The following CAMTA1 variants were observed in gnomAD, a reference collection of about 807,000 sequenced individuals.
CAMTA1 encodes calmodulin binding transcription activator 1, also known as calmodulin-binding transcription activator 1.
A neutral mutation model predicts 170.9 loss-of-function variants in CAMTA1; 27 were observed. The ratio of observed to expected loss-of-function variants is 0.16; its 90% confidence interval spans 0.12 to 0.22. The LOEUF (loss-of-function observed/expected upper bound fraction) is 0.22, where lower values mean the gene tolerates loss of function less well. Among genes scored for constraint, CAMTA1 ranks in the 10% least tolerant of loss-of-function variants. CAMTA1 has a pLI of 1.00. For missense variants in CAMTA1, 1,619 were observed against 2,217.2 expected (o/e 0.73, Z 5.42); for synonymous variants, 833 against 891.5 (o/e 0.93, Z 1.17).
intron 4 of CAMTA1, among the ~76,000 whole-genome samples, chr1:7,202,843 C>G (rs1386091077): frequency 6.6e-6 from 1 of 152,134 alleles, no homozygotes; most frequent in Non-Finnish European, 1.5e-5. Context: ...TTTATTTCTT[C>G]CTTTCCAACC....
intron 6 of CAMTA1, among the ~76,000 whole-genome samples, chr1:7,478,802 G>T (rs1438547953): frequency 6.6e-6 from 1 of 152,184 alleles, no homozygotes; most frequent in African/African-American, 2.4e-5. Flanking sequence ...CTTCTAGATG[G>T]CTTATAATAT....
At chr1:7,526,479 C>T (rs1246537067) in intron 6 of CAMTA1, among the ~76,000 whole-genome samples, 1 of 152,210 alleles carries the variant, frequency 6.6e-6, no homozygotes, top group Non-Finnish European at 1.5e-5. Context: ...GCCCTGAGGT[C>T]TGTCCAGGCC....
intron 3 of CAMTA1, among the ~76,000 whole-genome samples, chr1:7,006,724 C>T (rs558583994): frequency 6.6e-6 from 1 of 152,308 alleles, no homozygotes; most frequent in South Asian, 2.1e-4. Context: ...CCTGACCGGT[C>T]ACAGCTCACC....
intron 3 of CAMTA1, among the ~76,000 whole-genome samples, chr1:6,893,149 G>T (rs1036621991): frequency 6.6e-6 from 1 of 152,072 alleles, no homozygotes; most frequent in Admixed American, 6.5e-5. Context: ...GGGCATGGTG[G>T]CGTGCCTGTA....
intron 5 of CAMTA1, among the ~76,000 whole-genome samples, chr1:7,393,049 T>G (rs1308536411): frequency 2.1e-5 from 2 of 94,874 alleles, no homozygotes; most frequent in African/African-American, 7.8e-5. Context: ...TGATACTATA[T>G]CTCTTAAAAA....
chr1:7,095,589 A>G (rs1641985562), intron 4 of CAMTA1, among the ~76,000 whole-genome samples: 1 of 152,224 alleles, frequency 6.6e-6, no homozygotes, highest in Non-Finnish European at 1.5e-5. Context: ...GTGCCTGTGA[A>G]GGTTCCCAGG....
chr1:7,572,813 A>G (rs1164003177), intron 6 of CAMTA1, among the ~76,000 whole-genome samples: 1 of 152,214 alleles, frequency 6.6e-6, no homozygotes, highest in South Asian at 2.1e-4. Context: ...CTTGCTAAAG[A>G]CAGAAGGGAA....
At chr1:7,640,657 G>C in intron 7 of CAMTA1, 104 bp downstream of exon 7, 2 of 1,333,948 alleles carry the variant, frequency 1.5e-6, no homozygotes, top group Non-Finnish European at 2.1e-6. Flanking sequence ...TGCGGGTCCG[G>C]AGCCCCATCT....
chr1:7,366,932 G>A (rs778943430), intron 5 of CAMTA1, among the ~76,000 whole-genome samples: 1 of 152,160 alleles, frequency 6.6e-6, no homozygotes, highest in Non-Finnish European at 1.5e-5. Flanking sequence ...CCTGGCGTCT[G>A]GTTATGCAAA....
At chr1:6,826,612 T>C (rs981779400) in intron 3 of CAMTA1, among the ~76,000 whole-genome samples, 6 of 152,254 alleles carry the variant, frequency 3.9e-5, no homozygotes, top group Non-Finnish European at 7.3e-5. Context: ...CAAATTATTA[T>C]ACACGTTAGT....
intron 5 of CAMTA1, among the ~76,000 whole-genome samples, chr1:7,368,159 T>A (rs1378617989): frequency 7.5e-6 from 1 of 133,712 alleles, no homozygotes. Flanking sequence ...TTTCATTGGG[T>A]GCAGGCCCTG....
At chr1:7,762,747 C>T (rs899400554) in intron 22 of CAMTA1, among the ~76,000 whole-genome samples, 1 of 152,174 alleles carries the variant, frequency 6.6e-6, no homozygotes, top group Non-Finnish European at 1.5e-5. Flanking sequence ...TCTTTTCACA[C>T]ATTTTAGGAT....
intron 5 of CAMTA1, among the ~76,000 whole-genome samples, chr1:7,428,781 G>A (rs538550959): frequency 9.4e-4 from 143 of 151,430 alleles, no homozygotes; most frequent in African/African-American, 3.1e-3. Flanking sequence ...TGAGTGCCAC[G>A]TCTTGTATTG....
At chr1:7,046,218 C>A (rs990751691) in intron 3 of CAMTA1, among the ~76,000 whole-genome samples, 1 of 152,264 alleles carries the variant, frequency 6.6e-6, no homozygotes, top group Admixed American at 6.5e-5. Flanking sequence ...TAATTGAGAC[C>A]TAATTTACTT....
At chr1:6,790,121 G>A (rs1395233590) in intron 1 of CAMTA1, among the ~76,000 whole-genome samples, 1 of 152,044 alleles carries the variant, frequency 6.6e-6, no homozygotes, top group Non-Finnish European at 1.5e-5. Flanking sequence ...AAGCTGCCAC[G>A]CCTGGCCTTC....
At position 7,568,863 on chromosome 1, in the gene CAMTA1, T is replaced by C. The variant is rs201414950; in HGVS notation, c.511-71537T>C. Among the ~76,000 whole-genome samples, 5 of 146,346 alleles carry C rather than the reference T, an allele frequency of 3.4e-5. No homozygotes were observed. The East Asian group carries it at 1.1e-3, about 31-fold the overall frequency. ...CATCATCATCACCACATCATCATCATCAACATCACCATCATCACCGCATCA... is the reference window on the plus strand; with the variant it reads ...CATCATCATCACCACATCATCATCACCAACATCACCATCATCACCGCATCA... On this transcript the variant is annotated intron_variant, in intron 6 of 22. Coordinates refer to ENST00000303635, the MANE Select transcript of CAMTA1 (RefSeq NM_015215.4).
intron 6 of CAMTA1, among the ~76,000 whole-genome samples, chr1:7,479,933 G>T (rs78160392): frequency 2.9e-5 from 3 of 102,588 alleles, no homozygotes; most frequent in Admixed American, 9.5e-5. Context: ...ATGTGTATAT[G>T]TGTGTATGAG....
At chr1:7,103,994 A>C (rs1285129569) in intron 4 of CAMTA1, among the ~76,000 whole-genome samples, 5 of 151,782 alleles carry the variant, frequency 3.3e-5, no homozygotes, top group Non-Finnish European at 7.4e-5. Flanking sequence ...ACAAGTACAC[A>C]CATGAACACA....
intron 16 of CAMTA1, among the ~76,000 whole-genome samples, chr1:7,741,516 C>T (rs944499006): frequency 1.3e-5 from 2 of 151,142 alleles, no homozygotes; most frequent in African/African-American, 4.9e-5. Context: ...TAGCCGACAT[C>T]GCACCACTGC....
Sources: gnomAD v4.1 joint callset for allele counts (sites outside exome capture counted in the v4.1 genomes callset) on GRCh38, gnomAD v4.1.1 for gene constraint, MANE v1.5 for transcripts, NCBI Gene and HGNC (gene_info 2026-07-23, HGNC 2026-07-21) for gene names.